GRID1: variants seen among roughly 807,000 people sequenced by gnomAD.
The protein encoded by GRID1 is glutamate ionotropic receptor delta type subunit 1.
GRID1 carries 28 observed loss-of-function variants against 98.0 expected under a neutral mutation model. That is an observed-to-expected ratio of 0.29 (90% CI 0.21 to 0.39). GRID1 has a LOEUF of 0.39. Ranked by LOEUF, GRID1 falls within the 10% of genes least tolerant of loss-of-function variation. The pLI, the probability that GRID1 is intolerant of heterozygous loss-of-function variation, is 1.00. For missense variants in GRID1, 1,111 were observed against 1,340.5 expected (o/e 0.83, Z 2.67); for synonymous variants, 553 against 538.5 (o/e 1.03, Z -0.37).
intron 3 of GRID1, among the ~76,000 whole-genome samples, chr10:86,174,973 AT>A (rs1193516034): frequency 6.6e-6 from 1 of 152,164 alleles, no homozygotes; most frequent in African/African-American, 2.4e-5. Context: ...AATGGCAATC[AT>A]TAAAAAGTCA....
intron 5 of GRID1, among the ~76,000 whole-genome samples, chr10:85,872,216 G>A (rs1482318668): frequency 6.6e-6 from 1 of 152,156 alleles, no homozygotes; most frequent in Non-Finnish European, 1.5e-5. Context: ...AAAAAGCAAT[G>A]AGTAGGTTAG....
intron 4 of GRID1, among the ~76,000 whole-genome samples, chr10:86,003,642 G>A (rs1744929018): frequency 6.6e-6 from 1 of 152,208 alleles, no homozygotes; most frequent in South Asian, 2.1e-4. Flanking sequence ...GCCATCAGCA[G>A]ACACCAAATG....
intron 4 of GRID1, among the ~76,000 whole-genome samples, chr10:86,048,720 T>G (rs74321139): frequency 0.072 from 10,921 of 152,264 alleles, 465 homozygotes; most frequent in African/African-American, 0.11. Context: ...CCACATGGCT[T>G]AAAGCCACAC....
intron 4 of GRID1, among the ~76,000 whole-genome samples, chr10:85,973,336 G>A (rs1446321693): frequency 1.3e-5 from 2 of 151,910 alleles, no homozygotes; most frequent in African/African-American, 4.8e-5. Context: ...AGTGTTACCT[G>A]AAAAATCATG....
At chr10:85,843,363 G>C (rs1393456699) in intron 8 of GRID1, among the ~76,000 whole-genome samples, 1 of 151,824 alleles carries the variant, frequency 6.6e-6, no homozygotes, top group Non-Finnish European at 1.5e-5. Context: ...AAAATCTTTG[G>C]AATATAGGGA....
At chr10:85,705,956 G>A (rs1380470560) in intron 12 of GRID1, among the ~76,000 whole-genome samples, 4 of 152,070 alleles carry the variant, frequency 2.6e-5, no homozygotes, top group South Asian at 2.1e-4. Flanking sequence ...TTGATGGGAC[G>A]TATCTCAAAA....
At chr10:86,104,665 C>T (rs1044424971) in intron 4 of GRID1, among the ~76,000 whole-genome samples, 4 of 152,236 alleles carry the variant, frequency 2.6e-5, no homozygotes, top group African/African-American at 9.6e-5. Flanking sequence ...TGCCTTGTTC[C>T]ATAGGGCCTG....
intron 8 of GRID1, among the ~76,000 whole-genome samples, chr10:85,757,971 G>A (rs550343961): frequency 8.5e-5 from 13 of 152,296 alleles, no homozygotes; most frequent in Admixed American, 2.6e-4. Flanking sequence ...ATTTTATATC[G>A]TAACACTCCT....
chr10:85,643,581 A>G (rs1843149536), intron 13 of GRID1, among the ~76,000 whole-genome samples: 1 of 152,186 alleles, frequency 6.6e-6, no homozygotes. Context: ...AGGCACACGA[A>G]GAAGGAGGAT....
intron 2 of GRID1, among the ~76,000 whole-genome samples, chr10:86,293,522 C>A (rs1036359147): frequency 6.6e-6 from 1 of 152,306 alleles, no homozygotes; most frequent in East Asian, 1.9e-4. Flanking sequence ...ATGTTAAAGA[C>A]TTTTTTTGTT....
chr10:86,069,096 A>C (rs1402269192), intron 4 of GRID1, among the ~76,000 whole-genome samples: 2 of 151,974 alleles, frequency 1.3e-5, no homozygotes, highest in African/African-American at 4.8e-5. Context: ...GGGAGGACTG[A>C]GGATGGGCCA....
chr10:86,083,076 G>C (rs1400549257), intron 4 of GRID1, among the ~76,000 whole-genome samples: 2 of 152,220 alleles, frequency 1.3e-5, no homozygotes, highest in African/African-American at 4.8e-5. Context: ...TGGGGGCTCA[G>C]TAAAGTCTGT....
At chr10:85,982,676 G>A (rs1429699731) in intron 4 of GRID1, among the ~76,000 whole-genome samples, 1 of 152,176 alleles carries the variant, frequency 6.6e-6, no homozygotes, top group Non-Finnish European at 1.5e-5. Flanking sequence ...AGTATCACAT[G>A]GGTATCCAGT....
chr10:85,944,609 G>C (rs1013219951), intron 4 of GRID1, among the ~76,000 whole-genome samples: 3 of 152,140 alleles, frequency 2.0e-5, no homozygotes, highest in Non-Finnish European at 2.9e-5. Context: ...GCTGTATTGG[G>C]GGAGGAGGAA....
intron 2 of GRID1, among the ~76,000 whole-genome samples, chr10:86,311,303 G>T (rs1385403908): frequency 3.3e-5 from 5 of 152,192 alleles, no homozygotes. Flanking sequence ...CCACTGCACG[G>T]TGCAGCTTCA....
chr10:85,633,008 A>G (rs543376722), intron 13 of GRID1, among the ~76,000 whole-genome samples: 110 of 152,326 alleles, frequency 7.2e-4, no homozygotes, highest in African/African-American at 2.4e-3. Context: ...AGTTTGCTGA[A>G]GATAATGGCT....
Position 85,746,052 on chromosome 10 carries a change from A to C in GRID1, c.1234-16438T>G, listed in dbSNP as rs575450697. Among the ~76,000 whole-genome samples the C allele has an allele frequency of 1.4e-4, 21 of 152,312 alleles. No individual in the cohort carries two copies. In the East Asian group the frequency reaches 4.1e-3, roughly 29 times the overall value. ...CCAACTACTCCTCCTTACAAATGGT[A>C]ATCCTTATTGCAGTTATCCTATCAC... On this transcript the variant is annotated intron_variant, in intron 8 of 15. Coordinates refer to ENST00000327946, the MANE Select transcript of GRID1 (RefSeq NM_017551.3).
chr10:85,740,310 T>C (rs1841927674), intron 8 of GRID1, among the ~76,000 whole-genome samples: 1 of 152,178 alleles, frequency 6.6e-6, no homozygotes, highest in Admixed American at 6.5e-5. Context: ...TTAGTTATTG[T>C]TATTAATAAT....
At chr10:85,973,945 C>G (rs1277555605) in intron 4 of GRID1, among the ~76,000 whole-genome samples, 1 of 152,186 alleles carries the variant, frequency 6.6e-6, no homozygotes, top group African/African-American at 2.4e-5. Flanking sequence ...CACAAAATCT[C>G]ATTATCACCC....
Sources: allele counts gnomAD v4.1 joint callset (sites outside exome capture counted in the v4.1 genomes callset), GRCh38; gene constraint gnomAD v4.1.1; transcripts MANE v1.5; gene names NCBI Gene and HGNC (gene_info 2026-07-23, HGNC 2026-07-21).